Variants in UBE2G1 observed in about 807,000 individuals in gnomAD.
The protein encoded by UBE2G1 is ubiquitin conjugating enzyme E2 G1.
In UBE2G1, 5 loss-of-function variants were observed where a neutral mutation model predicts 22.7. That is an observed-to-expected ratio of 0.22 (90% CI 0.12 to 0.46). UBE2G1 has a LOEUF of 0.46. Among genes scored for constraint, UBE2G1 ranks in the 20% least tolerant of loss-of-function variants. UBE2G1 has a pLI of 0.99. For missense variants in UBE2G1, 88 were observed against 203.9 expected, an observed-to-expected ratio of 0.43 and a Z score of 3.46; for synonymous variants, 74 against 67.5, an observed-to-expected ratio of 1.10 and a Z score of -0.47.
chr17:4,338,735 G>C (rs552882809), intron 1 of UBE2G1, among the ~76,000 whole-genome samples: 2 of 152,326 alleles, frequency 1.3e-5, no homozygotes, highest in African/African-American at 4.8e-5. Flanking sequence ...ACAATTTGAT[G>C]ATCTGGAGTG....
At chr17:4,289,191 G>C (rs780834805) in intron 4 of UBE2G1, 39 bp downstream of exon 4, 3 of 1,471,962 alleles carry the variant, frequency 2.0e-6, no homozygotes, top group Non-Finnish European at 2.7e-6. Context: ...TTTATTACAA[G>C]GGAAAGTGAA....
chr17:4,293,942 A>G (rs1969073015), intron 3 of UBE2G1, among the ~76,000 whole-genome samples: 1 of 152,172 alleles, frequency 6.6e-6, no homozygotes, highest in South Asian at 2.1e-4. Context: ...TCCCCTTCCA[A>G]TCTTCTATGA....
At chr17:4,331,788 G>A (rs1037101213) in intron 1 of UBE2G1, 4 of 152,332 alleles carry the variant, frequency 2.6e-5, no homozygotes, top group East Asian at 3.9e-4. Context: ...GAGCTGCAGC[G>A]AAGGAGGAAG....
At chr17:4,294,958 G>A (rs1264617776) in intron 3 of UBE2G1, among the ~76,000 whole-genome samples, 1 of 151,678 alleles carries the variant, frequency 6.6e-6, no homozygotes, top group African/African-American at 2.4e-5. Context: ...GAGCGAGAGA[G>A]GGAGAGAAGG....
intron 1 of UBE2G1, 107 bp downstream of exon 1, chr17:4,366,164 C>T (rs1182139220): frequency 7.3e-6 from 9 of 1,235,992 alleles, no homozygotes; most frequent in South Asian, 3.3e-5. Flanking sequence ...CTCGCAGGCC[C>T]GGGCCCCTTC....
At chr17:4,342,997 T>G (rs149798511) in intron 1 of UBE2G1, among the ~76,000 whole-genome samples, 69 of 152,206 alleles carry the variant, frequency 4.5e-4, no homozygotes, top group Middle Eastern at 3.4e-3. Flanking sequence ...TCATTCCCTT[T>G]CCCCGCTTTA....
chr17:4,289,338 C>T lies in UBE2G1; in HGVS notation c.318G>A (p.Lys106=). Residue 106 remains lysine (K), a synonymous_variant, in exon 4 of 6, where the codon AAG becomes AAA. Transcript: ENST00000396981. The part of the protein sequence containing the change: ...EPGEDKYGYE[K]PEERWLPIHT... Reference sequence around the variant, plus strand: ...GGATAGGGAGCCAGCGTTCCTCTGGCTTTTCATAACCATACTTATCTTCCC... The same window carrying T: ...GGATAGGGAGCCAGCGTTCCTCTGGTTTTTCATAACCATACTTATCTTCCC... The T allele has an allele frequency of 1.9e-6, 3 of 1,595,982 alleles. No individual in the cohort carries two copies. Among genetic ancestry groups the T allele is most frequent in the Non-Finnish European group, 2.6e-6 (3 of 1,171,250 alleles).
At chr17:4,287,731 C>G (rs1968982948) in intron 4 of UBE2G1, among the ~76,000 whole-genome samples, 1 of 151,640 alleles carries the variant, frequency 6.6e-6, no homozygotes, top group African/African-American at 2.4e-5. Flanking sequence ...ATAGTACTAA[C>G]AAAGGTTCTA....
At chr17:4,282,739 C>T in intron 5 of UBE2G1, 59 bp downstream of exon 5, 1 of 1,145,422 alleles carries the variant, frequency 8.7e-7, no homozygotes, top group Non-Finnish European at 1.2e-6. Flanking sequence ...CACACAATTT[C>T]CAAAAACTAA....
intron 1 of UBE2G1, among the ~76,000 whole-genome samples, chr17:4,332,789 TA>T (rs1285491850): frequency 6.6e-6 from 1 of 152,206 alleles, no homozygotes; most frequent in Non-Finnish European, 1.5e-5. Flanking sequence ...TTGCCTCACC[TA>T]ACCTCTGCAT....
At chr17:4,357,926 C>A (rs951682455) in intron 1 of UBE2G1, among the ~76,000 whole-genome samples, 1 of 151,856 alleles carries the variant, frequency 6.6e-6, no homozygotes, top group African/African-American at 2.4e-5. Flanking sequence ...ACAGCAAGAC[C>A]CCATCTCTAT....
chr17:4,315,775 C>A (rs1399856495), intron 1 of UBE2G1, among the ~76,000 whole-genome samples: 5 of 137,762 alleles, frequency 3.6e-5, no homozygotes, highest in Admixed American at 7.8e-5. Context: ...AACAAACAAA[C>A]AAAAAAACAG....
chr17:4,344,719 T>G (rs1196237779), intron 1 of UBE2G1, among the ~76,000 whole-genome samples: 1 of 151,838 alleles, frequency 6.6e-6, no homozygotes, highest in Non-Finnish European at 1.5e-5. Context: ...CTGGGTGTGG[T>G]GGTGTACCAT....
intron 1 of UBE2G1, among the ~76,000 whole-genome samples, chr17:4,347,840 T>C (rs1300211384): frequency 1.3e-5 from 2 of 152,206 alleles, no homozygotes. Flanking sequence ...GGTTTTTCTA[T>C]TATAATTGTT....
intron 1 of UBE2G1, among the ~76,000 whole-genome samples, chr17:4,344,273 G>C (rs376483014): frequency 6.6e-6 from 1 of 152,146 alleles, no homozygotes; most frequent in Non-Finnish European, 1.5e-5. Context: ...GGGCGCGGTG[G>C]CTCGCGCCTG....
intron 1 of UBE2G1, among the ~76,000 whole-genome samples, chr17:4,326,435 C>T (rs941309159): frequency 1.3e-5 from 2 of 152,118 alleles, no homozygotes; most frequent in African/African-American, 4.8e-5. Context: ...CAGAAAATGA[C>T]AAGTGTTGAC....
chr17:4,362,056 ACT>A (rs749118233), intron 1 of UBE2G1, among the ~76,000 whole-genome samples: 2 of 151,452 alleles, frequency 1.3e-5, no homozygotes, highest in Non-Finnish European at 2.9e-5. Flanking sequence ...GTTTTTTTGT[ACT>A]CTTTGCATTT....
At chr17:4,285,920 C>T (rs2143690801) in intron 4 of UBE2G1, among the ~76,000 whole-genome samples, 1 of 150,642 alleles carries the variant, frequency 6.6e-6, no homozygotes. Flanking sequence ...CACTGCACTC[C>T]AGCCTGGCGA....
chr17:4,329,224 C>A (rs557138146), intron 1 of UBE2G1, among the ~76,000 whole-genome samples: 1 of 150,810 alleles, frequency 6.6e-6, no homozygotes. Context: ...CATGGTGAAA[C>A]CCCGTCTCTA....
Sources: gnomAD v4.1 joint callset for allele counts (sites outside exome capture counted in the v4.1 genomes callset) on GRCh38, gnomAD v4.1.1 for gene constraint, MANE v1.5 for transcripts, NCBI Gene and HGNC (gene_info 2026-07-23, HGNC 2026-07-21) for gene names.